Variants in ABCC9 observed in about 807,000 individuals in gnomAD.
ABCC9 encodes ATP-binding cassette sub-family C member 9.
ABCC9 carries 95 observed loss-of-function variants against 188.3 expected under a neutral mutation model. That is an observed-to-expected ratio of 0.50 (90% CI 0.43 to 0.60). ABCC9 has a LOEUF of 0.60. Ranked by LOEUF, ABCC9 falls within the 20% of genes least tolerant of loss-of-function variation. The probability of loss-of-function intolerance (pLI) is 0.00; values close to 1 mark genes in which losing one functional copy is unlikely to be tolerated. For missense variants in ABCC9, 1,102 were observed against 1,876.3 expected, an observed-to-expected ratio of 0.59 and a Z score of 7.62; for synonymous variants, 659 against 652.7, an observed-to-expected ratio of 1.01 and a Z score of -0.15.
At chr12:21,825,146 G>C (rs1943295012) in intron 31 of ABCC9, among the ~76,000 whole-genome samples, 1 of 152,180 alleles carries the variant, frequency 6.6e-6, no homozygotes, top group Non-Finnish European at 1.5e-5. Context: ...GGAAACAACA[G>C]ATGCTAGAGA....
intron 15 of ABCC9, among the ~76,000 whole-genome samples, chr12:21,886,477 A>G (rs1159189519): frequency 3.9e-5 from 6 of 152,096 alleles, no homozygotes; most frequent in Non-Finnish European, 5.9e-5. Context: ...CAACTGGACC[A>G]AAAGCTCTAA....
At chr12:21,936,483 C>T (rs904972207) in intron 3 of ABCC9, 50 bp downstream of exon 3, 5 of 1,487,574 alleles carry the variant, frequency 3.4e-6, no homozygotes, top group African/African-American at 1.4e-5. Flanking sequence ...CAGCCATTAG[C>T]GAGATATATA....
At chr12:21,899,938 T>C (rs1947635352) in intron 12 of ABCC9, among the ~76,000 whole-genome samples, 1 of 152,178 alleles carries the variant, frequency 6.6e-6, no homozygotes, top group Non-Finnish European at 1.5e-5. Context: ...TAAATGTCCC[T>C]GTCTGACAGC....
chr12:21,927,281 G>T (rs1949079689), intron 4 of ABCC9, among the ~76,000 whole-genome samples: 1 of 152,180 alleles, frequency 6.6e-6, no homozygotes, highest in South Asian at 2.1e-4. Flanking sequence ...CACTTGAATA[G>T]GTAAGCGGTA....
intron 16 of ABCC9, 78 bp from the exon 17 acceptor site, chr12:21,875,804 G>A: frequency 1.6e-6 from 2 of 1,235,652 alleles, no homozygotes; most frequent in Non-Finnish European, 2.3e-6. Context: ...TAATTTGTAG[G>A]CCAGGCGCAG....
At chr12:21,848,893 T>A (rs1187502384) in intron 24 of ABCC9, among the ~76,000 whole-genome samples, 1 of 152,126 alleles carries the variant, frequency 6.6e-6, no homozygotes, top group Non-Finnish European at 1.5e-5. Flanking sequence ...AAAACAAACT[T>A]TGCAGATTTT....
At position 21,826,568 on chromosome 12, in the gene ABCC9, A is replaced by G. The variant is rs543012659; in HGVS notation, c.3669+2390T>C. On this transcript the variant is annotated intron_variant, in intron 31 of 39. Transcript: ENST00000261200. ...CTTGGATTATAGTATTTATATTTAAATACACCTGGTTCCAATGAAAACTCT... is the reference window on the plus strand; with the variant it reads ...CTTGGATTATAGTATTTATATTTAAGTACACCTGGTTCCAATGAAAACTCT... 6.6e-5 allele frequency among the ~76,000 whole-genome samples: 10 copies of G among 152,324 alleles called. No individual in the cohort carries two copies. The South Asian group carries it at 1.0e-3, about 16-fold the overall frequency.
chr12:21,808,065 A>G (rs1442431578), intron 37 of ABCC9, among the ~76,000 whole-genome samples: 2 of 151,604 alleles, frequency 1.3e-5, no homozygotes, highest in African/African-American at 4.8e-5. Flanking sequence ...TTTGGTTTCC[A>G]TCTACATTTC....
intron 18 of ABCC9, among the ~76,000 whole-genome samples, chr12:21,865,987 C>T (rs773401278): frequency 1.3e-5 from 2 of 150,970 alleles, no homozygotes; most frequent in Non-Finnish European, 2.9e-5. Flanking sequence ...ACCAGAGCAC[C>T]AAGCCACTTT....
chr12:21,900,073 T>C (rs1947645439), intron 12 of ABCC9, among the ~76,000 whole-genome samples: 1 of 152,186 alleles, frequency 6.6e-6, no homozygotes, highest in Non-Finnish European at 1.5e-5. Context: ...AGGGGCAGAC[T>C]GACACCTCAC....
In ABCC9 at chr12:21,799,233, A is replaced by G. The variant is rs998596259; in HGVS notation, c.*1811T>C. On this transcript the variant is annotated 3_prime_UTR_variant, in exon 40 of 40. Coordinates refer to ENST00000261200, the MANE Select transcript of ABCC9 (RefSeq NM_020297.4). ...TGCACAATGTGCACATGTACCCTAA[A>G]ACTTAAAGTATATTAAAAAAAAAAT... is the stretch of plus-strand genomic sequence containing the variant. 5 of 151,290 alleles carry G rather than the reference A, an allele frequency of 3.3e-5. No individual in the cohort carries two copies. Among genetic ancestry groups the G allele is most frequent in the African/African-American group, 1.2e-4 (5 of 41,006 alleles). The allele number at this position is 151,290 out of a possible 1,614,324, so 9.4% of individuals were successfully genotyped here.
In ABCC9 at chr12:21,872,660, C is replaced by T. The variant is rs1177023685; in HGVS notation, c.2163G>A (p.Glu721=). ...KSSLLLAILG[E]MQTLEGKVHW... is the part of the protein sequence containing the mutation. ...GAACTTTTCCTTCCAATGTCTGCATCTCACCGAGGATGGCAAGGAGAAGAG... is the reference window on the plus strand; with the variant it reads ...GAACTTTTCCTTCCAATGTCTGCATTTCACCGAGGATGGCAAGGAGAAGAG... The change falls in exon 18 of 40, where the codon GAG becomes GAA. Residue 721 remains glutamate (E), a synonymous_variant. Transcript: ENST00000261200. 6.2e-7 allele frequency: 1 copy of T among 1,613,878 alleles called. No individual in the cohort carries two copies. Among genetic ancestry groups the T allele is most frequent in the South Asian group, 1.1e-5 (1 of 91,082 alleles).
chr12:21,870,283 G>A (rs1364328979), intron 18 of ABCC9, among the ~76,000 whole-genome samples: 3 of 151,474 alleles, frequency 2.0e-5, no homozygotes, highest in African/African-American at 7.3e-5. Flanking sequence ...AAGAGAAATG[G>A]TCTCACTCTG....
rs375253825 is a variant in ABCC9, at chr12:21,882,646, G to A, written c.2019+120C>T. The A allele has an allele frequency of 3.3e-3, 2,859 of 874,908 alleles. 59 individuals are homozygous for A. In the South Asian group the frequency reaches 0.034, roughly 10 times the overall value. 54.2% of individuals were successfully genotyped at this position (874,908 alleles called of 1,614,324 possible). Reference sequence around the variant, plus strand: ...GAATTTTTTTTTAAATGTTATTAGGGTTAATGACAACTGTAAAAACAATTT... The same window carrying A: ...GAATTTTTTTTTAAATGTTATTAGGATTAATGACAACTGTAAAAACAATTT... On this transcript the variant is annotated intron_variant, in intron 16 of 39. Transcript: ENST00000261200.
At chr12:21,804,045 A>T (rs1417559459) in intron 39 of ABCC9, among the ~76,000 whole-genome samples, 1 of 150,816 alleles carries the variant, frequency 6.6e-6, no homozygotes, top group African/African-American at 2.4e-5. Context: ...TGGGCCTGTT[A>T]TGAGGAGTTG....
At chr12:21,925,178 A>G in intron 5 of ABCC9, 1 of 224,362 alleles carries the variant, frequency 4.5e-6, no homozygotes, top group Non-Finnish European at 8.6e-6. Flanking sequence ...TTCTTGTTCC[A>G]TACCTTTATC....
At chr12:21,904,187 C>G (rs12229403) in intron 12 of ABCC9, among the ~76,000 whole-genome samples, 49,337 of 152,026 alleles carry the variant, frequency 0.32, 9,633 homozygotes, top group Middle Eastern at 0.47. Flanking sequence ...GAAAGATTCT[C>G]TATTTAATAA....
chr12:21,836,286 C>T (rs1014209015), intron 30 of ABCC9, among the ~76,000 whole-genome samples: 1 of 152,126 alleles, frequency 6.6e-6, no homozygotes, highest in Non-Finnish European at 1.5e-5. Context: ...TTGAAAGGAT[C>T]CAGTCTAAGT....
chr12:21,922,750 T>TA (rs1948876728), intron 5 of ABCC9, among the ~76,000 whole-genome samples: 2 of 130,704 alleles, frequency 1.5e-5, no homozygotes, highest in South Asian at 2.4e-4. Context: ...TTTTTTTTTT[T>TA]CTTTTTTTTT....
Sources: allele counts gnomAD v4.1 joint callset (sites outside exome capture counted in the v4.1 genomes callset), GRCh38; gene constraint gnomAD v4.1.1; transcripts MANE v1.5; gene names NCBI Gene and HGNC (gene_info 2026-07-23, HGNC 2026-07-21).